The following SMOC2 variants were observed in gnomAD, a reference collection of about 807,000 sequenced individuals.
The protein encoded by SMOC2 is SPARC-related modular calcium-binding protein 2.
In SMOC2, 39 loss-of-function variants were observed where a neutral mutation model predicts 61.4. That is an observed-to-expected ratio of 0.64 (90% CI 0.49 to 0.83). The LOEUF is 0.83. SMOC2 is among the 40% of genes least tolerant of loss of function. SMOC2 has a pLI of 0.00. For missense variants in SMOC2, 556 were observed against 592.9 expected (o/e 0.94, Z 0.65); for synonymous variants, 247 against 239.9 (o/e 1.03, Z -0.27).
intron 10 of SMOC2, 37 bp downstream of exon 10, chr6:168,650,820 G>A (rs113243496): frequency 1.3e-6 from 2 of 1,572,010 alleles, no homozygotes; most frequent in Admixed American, 1.8e-5. Context: ...AAGTTGGCAG[G>A]GTCCCAGAAT....
chr6:168,605,222 C>G (rs752525405), intron 8 of SMOC2, among the ~76,000 whole-genome samples: 1 of 152,214 alleles, frequency 6.6e-6, no homozygotes, highest in South Asian at 2.1e-4. Flanking sequence ...ATCTGGGCAG[C>G]CTCTGTTCCT....
intron 7 of SMOC2, among the ~76,000 whole-genome samples, chr6:168,595,931 T>A (rs796316565): frequency 9.2e-5 from 14 of 152,374 alleles, no homozygotes; most frequent in African/African-American, 3.1e-4. Flanking sequence ...AGAAAGTATG[T>A]CGTGTCTGGA....
At chr6:168,549,057 C>A in intron 6 of SMOC2, 72 bp from the exon 7 acceptor site, 1 of 1,213,464 alleles carries the variant, frequency 8.2e-7, no homozygotes, top group Non-Finnish European at 1.2e-6. Flanking sequence ...CTACTTGCTG[C>A]ACTGCGTAAC....
chr6:168,497,547 G>A (rs897574190), intron 1 of SMOC2, among the ~76,000 whole-genome samples: 6 of 152,132 alleles, frequency 3.9e-5, no homozygotes, highest in African/African-American at 1.2e-4. Context: ...CAGTGGGCAC[G>A]CAGATCCCTC....
At chr6:168,611,110 C>G (rs1287605641) in intron 9 of SMOC2, among the ~76,000 whole-genome samples, 3 of 152,226 alleles carry the variant, frequency 2.0e-5, no homozygotes, top group Admixed American at 2.0e-4. Context: ...CTGACATCCT[C>G]CCAGGTCCTC....
chr6:168,587,958 A>T (rs1227330467), intron 7 of SMOC2, among the ~76,000 whole-genome samples: 1 of 149,228 alleles, frequency 6.7e-6, no homozygotes, highest in Admixed American at 6.7e-5. Flanking sequence ...TTCATTTCTC[A>T]TAGCTCTGGA....
At chr6:168,594,005 A>G (rs1168862488) in intron 7 of SMOC2, among the ~76,000 whole-genome samples, 2 of 28,304 alleles carry the variant, frequency 7.1e-5, no homozygotes. Flanking sequence ...CTGAGGCCTC[A>G]CGGGCATCTT....
intron 7 of SMOC2, among the ~76,000 whole-genome samples, chr6:168,563,243 G>A (rs995729034): frequency 6.6e-6 from 1 of 152,138 alleles, no homozygotes; most frequent in Admixed American, 6.5e-5. Context: ...AAGCACACAC[G>A]TGCATTCATA....
intron 2 of SMOC2, among the ~76,000 whole-genome samples, chr6:168,515,777 G>C (rs756089091): frequency 1.3e-5 from 2 of 152,252 alleles, no homozygotes; most frequent in African/African-American, 4.8e-5. Flanking sequence ...AGCCCAGGAC[G>C]GGTGAGAACA....
At chr6:168,632,101 C>T (rs558249895) in intron 9 of SMOC2, among the ~76,000 whole-genome samples, 1 of 152,326 alleles carries the variant, frequency 6.6e-6, no homozygotes, top group South Asian at 2.1e-4. Flanking sequence ...CATAATAATT[C>T]CCAAATCTTA....
chr6:168,592,364 C>T (rs1389240238), intron 7 of SMOC2, among the ~76,000 whole-genome samples: 15 of 122,878 alleles, frequency 1.2e-4, no homozygotes, highest in South Asian at 2.6e-4. Context: ...TTCCTGAGGC[C>T]TCACGGGCAT....
rs143168107 is a variant in SMOC2 at position 168,505,511 on chromosome 6, G to A, written c.85-4404G>A. ...ATGGAATGTCCGTCTCTCAGATGCCGGATGAATGACTGAATGAAATGTCCG... is the reference window on the plus strand; with the variant it reads ...ATGGAATGTCCGTCTCTCAGATGCCAGATGAATGACTGAATGAAATGTCCG... On this transcript the variant is annotated intron_variant, in intron 1 of 12. Transcript: ENST00000356284. 1.1e-3 allele frequency among the ~76,000 whole-genome samples: 168 copies of A among 150,668 alleles called. 2 individuals carry two copies. In the East Asian group the frequency reaches 0.018, roughly 16 times the overall value.
At chr6:168,624,577 CACACAGAT>C (rs1426872366) in intron 9 of SMOC2, among the ~76,000 whole-genome samples, 3 of 125,080 alleles carry the variant, frequency 2.4e-5, no homozygotes, top group Non-Finnish European at 5.2e-5. Flanking sequence ...CAGAAACACA[CACACAGAT>C]ACACAGACAC....
intron 4 of SMOC2, among the ~76,000 whole-genome samples, chr6:168,540,736 G>C (rs1482391559): frequency 6.6e-6 from 1 of 152,180 alleles, no homozygotes; most frequent in Non-Finnish European, 1.5e-5. Context: ...CTAGACCAGA[G>C]AACGCAGCCC....
intron 1 of SMOC2, among the ~76,000 whole-genome samples, chr6:168,470,853 A>C (rs978438046): frequency 2.0e-5 from 3 of 152,322 alleles, no homozygotes; most frequent in Admixed American, 2.0e-4. Flanking sequence ...TGACACATCC[A>C]AAGCCACAGA....
chr6:168,450,261 G>A (rs1781430988), intron 1 of SMOC2, among the ~76,000 whole-genome samples: 1 of 152,178 alleles, frequency 6.6e-6, no homozygotes, highest in Non-Finnish European at 1.5e-5. Flanking sequence ...CTGCTGTCAT[G>A]CCAGTCACCA....
intron 2 of SMOC2, among the ~76,000 whole-genome samples, chr6:168,519,027 G>A (rs900460470): frequency 5.8e-5 from 3 of 51,908 alleles, no homozygotes; most frequent in African/African-American, 1.3e-4. Context: ...ATGCGAACAT[G>A]TGTGTGTATG....
rs191404928 is a variant in SMOC2, at chr6:168,533,520, G to A, written c.463+5793G>A. On this transcript the variant is annotated intron_variant, in intron 4 of 12. Coordinates refer to ENST00000356284, the MANE Select transcript of SMOC2 (RefSeq NM_001166412.2). ...CCTACATAGCTGAGGGACTTGAAAG[G>A]ATCACCCAGAATAATTAAATTCCCA... is the stretch of plus-strand genomic sequence containing the variant. Among the ~76,000 whole-genome samples the A allele has an allele frequency of 4.2e-3, 641 of 152,272 alleles. 2 individuals are homozygous for A. Among genetic ancestry groups the A allele is most frequent in the Non-Finnish European group, 6.3e-3 (426 of 68,024 alleles).
intron 1 of SMOC2, among the ~76,000 whole-genome samples, chr6:168,461,140 C>G (rs1167334122): frequency 6.6e-6 from 1 of 152,192 alleles, no homozygotes; most frequent in African/African-American, 2.4e-5. Flanking sequence ...AGGAGCAAGT[C>G]CCATCTTACA....
Sources: gnomAD v4.1 joint callset for allele counts (sites outside exome capture counted in the v4.1 genomes callset) on GRCh38, gnomAD v4.1.1 for gene constraint, MANE v1.5 for transcripts, NCBI Gene and HGNC (gene_info 2026-07-23, HGNC 2026-07-21) for gene names.